Variants in GRK2 observed in about 807,000 individuals in gnomAD.
GRK2 encodes the protein adrenergic beta receptor kinase 1.
Under a neutral mutation model 97.8 loss-of-function variants are expected in GRK2, and 23 were observed. The ratio of observed to expected loss-of-function variants is 0.24; its 90% CI spans 0.17 to 0.33. GRK2 has a LOEUF of 0.33. GRK2 is among the 10% of genes least tolerant of loss of function. The pLI, the probability that GRK2 is intolerant of heterozygous loss-of-function variation, is 1.00. For synonymous variants in GRK2, 425 were observed against 381.7 expected (o/e 1.11, Z -1.32); for missense variants, 633 against 956.9 (o/e 0.66, Z 4.47).
rs764274714 is a variant in GRK2 at position 67,281,646 on chromosome 11, C to T, written c.748-4C>T. ...CCGCCCCCTCCCCTCCTCTCCCCTCCTAGGACTGCCCATTCATTGTCTGCA... is the reference window on the plus strand; with the variant it reads ...CCGCCCCCTCCCCTCCTCTCCCCTCTTAGGACTGCCCATTCATTGTCTGCA... On this transcript the variant is annotated splice_polypyrimidine_tract_variant and splice_region_variant and intron_variant, in intron 9 of 20. Coordinates refer to ENST00000308595, the MANE Select transcript of GRK2 (RefSeq NM_001619.5). This position sits in a 1 kb window ranked among gnomAD's most constrained non-coding sequence, Gnocchi z 5.7. The T allele has an allele frequency of 4.7e-5, 75 of 1,611,834 alleles. No individual in the cohort carries two copies. Among genetic ancestry groups the T allele is most frequent in the Non-Finnish European group, 1.5e-5 (18 of 1,178,816 alleles).
chr11:67,266,831 C>T lies in GRK2; in HGVS notation c.113+19C>T. On this transcript the variant is annotated intron_variant, in intron 1 of 20. Transcript: ENST00000308595. ...AGCCCAGGTGAGGAGAAGCTGCCCG[C>T]GGCCCCGGCCCGACCCCGCGGGCGC... The T allele has an allele frequency of 2.5e-6, 3 of 1,188,728 alleles. No homozygotes were observed. Among genetic ancestry groups the T allele is most frequent in the Non-Finnish European group, 3.2e-6 (3 of 940,870 alleles). The allele number at this position is 1,188,728 out of a possible 1,614,324, so 73.6% of individuals were successfully genotyped here.
In GRK2 at chr11:67,281,072, G is replaced by T; in HGVS notation, c.556-21G>T. 1 of 1,600,932 alleles carries T rather than the reference G, an allele frequency of 6.2e-7. No individual in the cohort carries two copies. Among genetic ancestry groups the T allele is most frequent in the Non-Finnish European group, 8.5e-7 (1 of 1,171,956 alleles). On this transcript the variant is annotated intron_variant, in intron 7 of 20. Coordinates refer to ENST00000308595, the MANE Select transcript of GRK2 (RefSeq NM_001619.5). This position sits in a 1 kb window ranked among gnomAD's most constrained non-coding sequence, Gnocchi z 5.7. ...TGGGCAGAGGCAGCCTGTGGTGACC[G>T]CAGCTGTCGCTGCCCCTCAGCTGAC...
In GRK2 at chr11:67,279,500, A is replaced by G. The variant is rs139639168; in HGVS notation, c.347A>G (p.Glu116Gly). 6.8e-6 allele frequency: 11 copies of G among 1,613,202 alleles called. No homozygotes were observed. Among genetic ancestry groups the G allele is most frequent in the African/African-American group, 4.0e-5 (3 of 75,038 alleles). Reference sequence around the variant, plus strand: ...ATCTTCGACTCATACATCATGAAGGAGCTGCTGGCCTGCTCGCATGTGAGT... The same window carrying G: ...ATCTTCGACTCATACATCATGAAGGGGCTGCTGGCCTGCTCGCATGTGAGT... ...REIFDSYIMK[E>G]LLACSHPFSK... is the part of the protein sequence containing the mutation. The change falls in exon 4 of 21, where the codon GAG (glutamate) becomes GGG (glycine). Residue 116 changes from glutamate to glycine, a missense_variant. Glu to Gly is a moderately conservative substitution (Grantham distance 98). Coordinates refer to ENST00000308595, the MANE Select transcript of GRK2 (RefSeq NM_001619.5).
At position 67,286,411 on chromosome 11, in the gene GRK2, G is replaced by A. The variant is rs1042597274; in HGVS notation, c.*961G>A. On this transcript the variant is annotated 3_prime_UTR_variant, in exon 21 of 21. Coordinates refer to ENST00000308595, the MANE Select transcript of GRK2 (RefSeq NM_001619.5). Reference sequence around the variant, plus strand: ...GTGCCAGTCGCGCTGCCTGTGTGGTGTCGCGCCTTCTCCCCCCCGGGGCTG... The same window carrying A: ...GTGCCAGTCGCGCTGCCTGTGTGGTATCGCGCCTTCTCCCCCCCGGGGCTG... 1.1e-5 allele frequency: 8 copies of A among 700,338 alleles called. No individual in the cohort carries two copies. The highest frequency in any genetic ancestry group is 1.6e-5 in the Non-Finnish European group (6 of 383,818). 43.4% of individuals were successfully genotyped at this position (700,338 alleles called of 1,614,324 possible). A position where few individuals can be genotyped will look rare whatever the true frequency, so the allele number is the denominator to read the frequency against.
Position 67,281,733 on chromosome 11 carries a change from GTGC to G in GRK2, c.826+8_826+10del. ...TCATCCTGGACCTCATGAACGGTGA[GTGC>G]TGGCCGGGCCCTAGGGTGGGCCGGG... On this transcript the variant is annotated splice_donor_region_variant and intron_variant, in intron 10 of 20. Coordinates refer to ENST00000308595, the MANE Select transcript of GRK2 (RefSeq NM_001619.5). This position sits in a 1 kb window ranked among gnomAD's most constrained non-coding sequence, Gnocchi z 5.7. 6.8e-6 allele frequency: 11 copies of G among 1,613,356 alleles called. No individual in the cohort carries two copies. Among genetic ancestry groups the G allele is most frequent in the Non-Finnish European group, 8.5e-6 (10 of 1,179,898 alleles).
At chr11:67,277,144 C>A in intron 1 of GRK2, 128 bp from the exon 2 acceptor site, 1 of 795,268 alleles carries the variant, frequency 1.3e-6, no homozygotes, top group Non-Finnish European at 2.1e-6. Flanking sequence ...AGTGAGTAGG[C>A]CTGACGGGCT....
chr11:67,273,285 CA>C (rs1384143686), intron 1 of GRK2, among the ~76,000 whole-genome samples: 1 of 152,208 alleles, frequency 6.6e-6, no homozygotes, highest in Admixed American at 6.5e-5. Flanking sequence ...AGCGTCCTTC[CA>C]TCTGGGACTG....
chr11:67,274,398 G>C (rs1326864338), intron 1 of GRK2, among the ~76,000 whole-genome samples: 2 of 151,558 alleles, frequency 1.3e-5, no homozygotes, highest in African/African-American at 4.8e-5. Context: ...CCCATTCCTG[G>C]GACAATGCCC....
chr11:67,274,124 T>C (rs1345703727), intron 1 of GRK2, among the ~76,000 whole-genome samples: 1 of 151,870 alleles, frequency 6.6e-6, no homozygotes, highest in East Asian at 1.9e-4. Flanking sequence ...GCGATTCTTC[T>C]GCCTCAGTCT....
Position 67,282,682 on chromosome 11 carries a change from C to T in GRK2, c.1161-70C>T. On this transcript the variant is annotated intron_variant, in intron 13 of 20. Transcript: ENST00000308595. This position sits in a 1 kb window ranked among gnomAD's most constrained non-coding sequence, Gnocchi z 6.9. ...ACCGTCCCTGACTTTGGCCACAGCT[C>T]ATCCATGCTGCCTGCCTCCCTTTCC... is the stretch of plus-strand genomic sequence containing the variant. The T allele has an allele frequency of 1.3e-6, 2 of 1,589,036 alleles. No homozygotes were observed. The highest frequency in any genetic ancestry group is 1.7e-6 in the Non-Finnish European group (2 of 1,164,142).
At position 67,279,282 on chromosome 11, in the gene GRK2, C is replaced by T; in HGVS notation, c.264+9C>T. ...TGGAATTCTATGAGGAGGTGAGACC[C>T]AGAGGCCCAAGCCCTGCTCTGCCTG... On this transcript the variant is annotated intron_variant, in intron 3 of 20. Transcript: ENST00000308595. 1.2e-6 allele frequency: 2 copies of T among 1,613,444 alleles called. No individual in the cohort carries two copies. Among genetic ancestry groups the T allele is most frequent in the Non-Finnish European group, 1.7e-6 (2 of 1,179,904 alleles).
At chr11:67,283,450 C>T in intron 15 of GRK2, 1 of 611,522 alleles carries the variant, frequency 1.6e-6, no homozygotes, top group Non-Finnish European at 2.9e-6. Context: ...GGGCCCTTGT[C>T]ACAGATGATG....
intron 1 of GRK2, among the ~76,000 whole-genome samples, chr11:67,273,856 G>A (rs529493178): frequency 1.7e-4 from 26 of 152,194 alleles, no homozygotes; most frequent in African/African-American, 6.0e-4. Context: ...GAGCCCCTGG[G>A]AAGGAGAAAG....
chr11:67,278,914 C>A (rs545021459), intron 2 of GRK2, among the ~76,000 whole-genome samples: 109 of 152,322 alleles, frequency 7.2e-4, no homozygotes, highest in Non-Finnish European at 1.2e-3. Flanking sequence ...CCAGAGCCAA[C>A]CCCGCTCCTC....
Position 67,282,087 on chromosome 11 carries a change from C to A in GRK2, c.957+135C>A. The A allele has an allele frequency of 1.5e-6, 2 of 1,297,204 alleles. No individual in the cohort carries two copies. Among genetic ancestry groups the A allele is most frequent in the Non-Finnish European group, 1.1e-6 (1 of 934,686 alleles). The allele number at this position is 1,297,204 out of a possible 1,614,324, so 80.4% of individuals were successfully genotyped here. A position where few individuals can be genotyped will look rare whatever the true frequency, so the allele number is the denominator to read the frequency against. ...CCGTATCTTCCCATCTCCGCCCCTG[C>A]CCTTCCCACCGAGCCACTCTCTGGG... On this transcript the variant is annotated intron_variant, in intron 11 of 20. Transcript: ENST00000308595. This position sits in a 1 kb window ranked among gnomAD's most constrained non-coding sequence, Gnocchi z 6.9.
At chr11:67,270,891 C>G (rs1859892240) in intron 1 of GRK2, 1 of 152,216 alleles carries the variant, frequency 6.6e-6, no homozygotes, top group Non-Finnish European at 1.5e-5. Flanking sequence ...GGGCTGTTAA[C>G]CCAGAATGAG....
intron 2 of GRK2, among the ~76,000 whole-genome samples, chr11:67,278,154 T>C (rs1860073836): frequency 6.6e-6 from 1 of 152,230 alleles, no homozygotes; most frequent in Non-Finnish European, 1.5e-5. Flanking sequence ...ATGGGAGCAC[T>C]GTGCCCACTG....
chr11:67,271,353 C>T (rs912678711), intron 1 of GRK2, among the ~76,000 whole-genome samples: 13 of 152,212 alleles, frequency 8.5e-5, no homozygotes, highest in Non-Finnish European at 1.3e-4. Flanking sequence ...TGCAAAAGGA[C>T]GCGTCTATGC....
Position 67,279,508 on chromosome 11 carries a change from G to T in GRK2, c.355G>T (p.Ala119Ser). The change falls in exon 4 of 21, where the codon GCC becomes TCC. Residue 119 changes from alanine (A) to serine (S), a missense_variant. By Grantham distance (99) the Ala-to-Ser change is moderately conservative. Coordinates refer to ENST00000308595, the MANE Select transcript of GRK2 (RefSeq NM_001619.5). Reference sequence around the variant, plus strand: ...CTCATACATCATGAAGGAGCTGCTGGCCTGCTCGCATGTGAGTGTCCTCAG... The same window carrying T: ...CTCATACATCATGAAGGAGCTGCTGTCCTGCTCGCATGTGAGTGTCCTCAG... Reference protein sequence around the residue: ...FDSYIMKELLACSHPFSKSAT... With the variant: ...FDSYIMKELLSCSHPFSKSAT... The T allele has an allele frequency of 1.9e-6, 3 of 1,613,152 alleles. No homozygotes were observed. The highest frequency in any genetic ancestry group is 2.5e-6 in the Non-Finnish European group (3 of 1,179,988).
Sources: gnomAD v4.1 joint callset for allele counts (sites outside exome capture counted in the v4.1 genomes callset) on GRCh38, gnomAD v4.1.1 for gene constraint, Gnocchi (gnomAD v3.1) non-coding constraint, MANE v1.5 for transcripts, NCBI Gene and HGNC (gene_info 2026-07-23, HGNC 2026-07-21) for gene names.